The following TRPM4 variants were observed in gnomAD, a reference collection of about 807,000 sequenced individuals.
TRPM4 encodes the protein calcium-activated non-selective cation channel 1.
A neutral mutation model predicts 135.6 loss-of-function variants in TRPM4; 124 were observed. The ratio of observed to expected loss-of-function variants is 0.91; its 90% CI spans 0.79 to 1.06. The LOEUF (loss-of-function observed/expected upper bound fraction) is 1.06. Ranked by LOEUF, TRPM4 falls within the 50% of genes least tolerant of loss-of-function variation. TRPM4 has a pLI of 0.00. For synonymous variants in TRPM4, 745 were observed against 705.6 expected (o/e 1.06, Z -0.88); for missense variants, 1,658 against 1,671.4 (o/e 0.99, Z 0.14).
intron 14 of TRPM4, 121 bp from the exon 15 acceptor site, chr19:49,190,087 T>C (rs1318548511): frequency 1.2e-6 from 1 of 841,248 alleles, no homozygotes; most frequent in Non-Finnish European, 2.0e-6. Context: ...ACCTCAATAG[T>C]TGTGGCTGTG....
At chr19:49,208,335 G>A (rs1969226518) in intron 20 of TRPM4, among the ~76,000 whole-genome samples, 1 of 151,904 alleles carries the variant, frequency 6.6e-6, no homozygotes, top group Non-Finnish European at 1.5e-5. Context: ...CTCCCCCGGG[G>A]AAAGGGAGAC....
At chr19:49,187,102 G>A (rs1968224896) in intron 12 of TRPM4, among the ~76,000 whole-genome samples, 2 of 152,048 alleles carry the variant, frequency 1.3e-5, no homozygotes, top group East Asian at 3.9e-4. Context: ...GGTTGCCACT[G>A]AACTGGGGAG....
chr19:49,205,750 G>T (rs1049255640), intron 20 of TRPM4, among the ~76,000 whole-genome samples: 5 of 151,662 alleles, frequency 3.3e-5, no homozygotes, highest in Non-Finnish European at 5.9e-5. Flanking sequence ...TGCCCAGGCC[G>T]ATCTCAAACT....
At chr19:49,158,031 G>C (rs1047228265) in intron 1 of TRPM4, 141 bp downstream of exon 1, 20 of 1,278,346 alleles carry the variant, frequency 1.6e-5, no homozygotes, top group Non-Finnish European at 2.1e-5. Context: ...AGGGTCCAGG[G>C]CATGGGGGTC....
At chr19:49,166,879 G>T in intron 3 of TRPM4, among the ~76,000 whole-genome samples, 3 of 131,430 alleles carry the variant, frequency 2.3e-5, no homozygotes, top group African/African-American at 8.7e-5. Context: ...CCTCTCTCTG[G>T]GTCTCTGTCC....
Position 49,210,001 on chromosome 19 carries a change from G to A in TRPM4, c.3132-208G>A, listed in dbSNP as rs538629840. On this transcript the variant is annotated intron_variant, in intron 20 of 24. Transcript: ENST00000252826. The surrounding 1 kb of genome is among the most constrained non-coding windows in gnomAD (Gnocchi z 4.1). ...TGACCTGAGGTGATCCGCCCACTCC[G>A]GCCTCCCAAAGTGCTGGGACTACAG... 2.0e-3 allele frequency among the ~76,000 whole-genome samples: 302 copies of A among 152,120 alleles called. 4 individuals carry two copies. The highest frequency in any genetic ancestry group is 6.9e-3 in the African/African-American group (286 of 41,482).
At chr19:49,197,712 C>T (rs530082925) in intron 17 of TRPM4, among the ~76,000 whole-genome samples, 1 of 148,992 alleles carries the variant, frequency 6.7e-6, no homozygotes, top group East Asian at 2.0e-4. Context: ...AGCCAGAGTT[C>T]CGCTGTGTCG....
intron 9 of TRPM4, among the ~76,000 whole-genome samples, chr19:49,179,646 G>A (rs766638335): frequency 2.0e-5 from 3 of 152,216 alleles, no homozygotes; most frequent in Admixed American, 2.0e-4. Flanking sequence ...CACGGCGCCC[G>A]GCCTGTAAAG....
Position 49,181,374 on chromosome 19 carries a change from C to G in TRPM4, c.1176C>G (p.Ala392=). The G allele has an allele frequency of 2.5e-6, 4 of 1,614,026 alleles. No individual in the cohort carries two copies. Among genetic ancestry groups the G allele is most frequent in the Non-Finnish European group, 3.4e-6 (4 of 1,180,016 alleles). Residue 392 remains alanine (A), a synonymous_variant, in exon 10 of 25, where the codon GCC becomes GCG. Coordinates refer to ENST00000252826, the MANE Select transcript of TRPM4 (RefSeq NM_017636.4). ...CCTGTGGGAGCTCGGAGGCCTCAGC[C>G]TACCTGGATGAGCTGCGTTTGGCTG... ...VKACGSSEAS[A]YLDELRLAVA...
intron 10 of TRPM4, 66 bp downstream of exon 10, chr19:49,181,527 CTTCTT>C: frequency 4.8e-6 from 4 of 830,462 alleles, no homozygotes; most frequent in Non-Finnish European, 7.1e-6. Context: ...CCCTCTCTGC[CTTCTT>C]TTTTTTTTTT....
Position 49,166,218 on chromosome 19 carries a change from G to A in TRPM4, c.267+3G>A. ...GGGCCGGCCGCAAGCACAGCAATGT[G>A]AGGCGGGCCTCTGTGGGCGGGGCCC... On this transcript the variant is annotated splice_donor_region_variant and intron_variant, in intron 3 of 24. Transcript: ENST00000252826. 6.3e-7 allele frequency: 1 copy of A among 1,598,598 alleles called. No homozygotes were observed. Among genetic ancestry groups the A allele is most frequent in the Non-Finnish European group, 8.5e-7 (1 of 1,173,878 alleles).
Position 49,171,423 on chromosome 19 carries a change from A to G in TRPM4, c.858+5A>G. ...GGTGATGAGAAGATGTTGACGGTAT[A>G]GGGGCCCGGATGCCCGGATCTAAGG... On this transcript the variant is annotated splice_donor_5th_base_variant and intron_variant, in intron 7 of 24. Coordinates refer to ENST00000252826, the MANE Select transcript of TRPM4 (RefSeq NM_017636.4). This position sits in a 1 kb window ranked among gnomAD's most constrained non-coding sequence, Gnocchi z 4.7. 1 of 1,614,000 alleles carries G rather than the reference A, an allele frequency of 6.2e-7. No homozygotes were observed. The highest frequency in any genetic ancestry group is 8.5e-7 in the Non-Finnish European group (1 of 1,179,996).
At position 49,171,854 on chromosome 19, in the gene TRPM4, G is replaced by A. The variant is rs1568462411; in HGVS notation, c.1050+85G>A. The A allele has an allele frequency of 6.7e-7, 1 of 1,487,128 alleles. No homozygotes were observed. Among genetic ancestry groups the A allele is most frequent in the South Asian group, 1.2e-5 (1 of 86,218 alleles). The allele number at this position is 1,487,128 out of a possible 1,614,324, so 92.1% of individuals were successfully genotyped here. ...TCCTGGGTCTGAGGGAGGAGGGGCT[G>A]GGGGCCTGGACTTCCAGGTTCCGGG... On this transcript the variant is annotated intron_variant, in intron 8 of 24. Coordinates refer to ENST00000252826, the MANE Select transcript of TRPM4 (RefSeq NM_017636.4). The surrounding 1 kb of genome is among the most constrained non-coding windows in gnomAD (Gnocchi z 4.7).
rs1135402751 is a variant in TRPM4, at chr19:49,168,014, T to TG, written c.371dup (p.Ser125IlefsTer73). 4.3e-6 allele frequency: 7 copies of TG among 1,613,560 alleles called. No individual in the cohort carries two copies. Among genetic ancestry groups the TG allele is most frequent in the Non-Finnish European group, 5.9e-6 (7 of 1,179,962 alleles). On this transcript the variant is annotated frameshift_variant, in exon 4 of 25. Transcript: ENST00000252826. LOFTEE classifies it high-confidence loss of function. ...GCCCCGAACCTGGTGGTGTCAGTGC[T>TG]GGGGGGATCGGGGGGCCCCGTCCTC...
rs140418645 is a variant in TRPM4, at chr19:49,210,370, G to A, written c.3293G>A (p.Ser1098Asn). ...LLRQLCRRPR[S>N]PQPSSPALEH... ...AGGCAATTGTGCAGGCGACCCCGGAGCCCCCAGCCGTCCTCCCCGGCCCTC... is the reference window on the plus strand; with the variant it reads ...AGGCAATTGTGCAGGCGACCCCGGAACCCCCAGCCGTCCTCCCCGGCCCTC... The change falls in exon 21 of 25, where the codon AGC (serine) becomes AAC (asparagine). Residue 1098 changes from serine to asparagine, a missense_variant. Transcript: ENST00000252826. The surrounding 1 kb of genome is among the most constrained non-coding windows in gnomAD (Gnocchi z 4.1). 2.5e-6 allele frequency: 4 copies of A among 1,614,072 alleles called. No individual in the cohort carries two copies. In the South Asian group the frequency reaches 4.4e-5, roughly 18 times the overall value.
At position 49,210,829 on chromosome 19, in the gene TRPM4, C is replaced by T. The variant is rs773755740; in HGVS notation, c.3448C>T (p.Arg1150Cys). The change falls in exon 22 of 25, where the codon CGC (arginine) becomes TGC (cysteine). Residue 1150 changes from arginine (R) to cysteine (C), a missense_variant. Physicochemically the swap from Arg to Cys is radical, Grantham distance 180. Coordinates refer to ENST00000252826, the MANE Select transcript of TRPM4 (RefSeq NM_017636.4). The surrounding 1 kb of genome is among the most constrained non-coding windows in gnomAD (Gnocchi z 4.1). ...GGAGAGCGACTCCGAGCGTCTGAAG[C>T]GCACGTCCCAGAAGTGAGAGCGGGG... ...KRESDSERLK[R>C]TSQKVDLALK... The T allele has an allele frequency of 2.5e-6, 4 of 1,611,828 alleles. No homozygotes were observed. In the East Asian group the frequency reaches 8.9e-5, roughly 36 times the overall value.
In TRPM4 at chr19:49,202,354, A is replaced by G. The variant is rs530414652; in HGVS notation, c.3131+213A>G. Among the ~76,000 whole-genome samples, 14 of 151,938 alleles carry G rather than the reference A, an allele frequency of 9.2e-5. No individual in the cohort carries two copies. In the East Asian group the frequency reaches 2.5e-3, roughly 27 times the overall value. ...GCCCAGGTTGAACTTCCTTATTTGT[A>G]TTTTTTTGAGACAGGGTCTCACTCT... On this transcript the variant is annotated intron_variant, in intron 20 of 24. Transcript: ENST00000252826.
chr19:49,194,060 A>C (rs1180998804), intron 16 of TRPM4, among the ~76,000 whole-genome samples: 2,290 of 37,828 alleles, frequency 0.061, no homozygotes, highest in Non-Finnish European at 0.068. Context: ...TCCTCATCCT[A>C]CTTCTCCTCT....
chr19:49,161,628 G>C (rs1165152490), intron 2 of TRPM4, among the ~76,000 whole-genome samples: 1 of 121,376 alleles, frequency 8.2e-6, no homozygotes, highest in Non-Finnish European at 1.7e-5. Context: ...ACCATACCCG[G>C]CTACCTCTTT....
Sources: gnomAD v4.1 joint callset for allele counts (sites outside exome capture counted in the v4.1 genomes callset) on GRCh38, gnomAD v4.1.1 for gene constraint, Gnocchi (gnomAD v3.1) non-coding constraint, MANE v1.5 for transcripts, NCBI Gene and HGNC (gene_info 2026-07-23, HGNC 2026-07-21) for gene names.